The following TBC1D10A variants were observed in gnomAD, a reference collection of about 807,000 sequenced individuals.
TBC1D10A encodes EBP50-PDX interactor of 64 kDa.
A neutral mutation model predicts 52.9 loss-of-function variants in TBC1D10A; 24 were observed. That is an observed-to-expected ratio of 0.45 (90% CI 0.33 to 0.64). The LOEUF is 0.64. Among genes scored for constraint, TBC1D10A ranks in the 30% least tolerant of loss-of-function variants. TBC1D10A has a pLI of 0.02. For synonymous variants in TBC1D10A, 278 were observed against 282.9 expected (o/e 0.98, Z 0.17); for missense variants, 602 against 687.9 (o/e 0.88, Z 1.40).
rs1930001793 is a variant in TBC1D10A at position 30,293,645 on chromosome 22, C to A, written c.1050+6G>T. The A allele has an allele frequency of 1.2e-6, 2 of 1,603,648 alleles. No individual in the cohort carries two copies. The highest frequency in any genetic ancestry group is 1.3e-5 in the African/African-American group (1 of 74,864). On this transcript the variant is annotated splice_donor_region_variant and intron_variant, in intron 8 of 8. Coordinates refer to ENST00000215790, the MANE Select transcript of TBC1D10A (RefSeq NM_031937.3). Reference sequence around the variant, plus strand: ...CCCCATGATAAGGGGCAGGCATGGGCTGTACCTCCTGGACCAGAAAGGCCT... The same window carrying A: ...CCCCATGATAAGGGGCAGGCATGGGATGTACCTCCTGGACCAGAAAGGCCT...
rs535238976 is a variant in TBC1D10A, at chr22:30,313,300, G to A, written c.210-8670C>T. On this transcript the variant is annotated intron_variant, in intron 1 of 8. Coordinates refer to ENST00000215790, the MANE Select transcript of TBC1D10A (RefSeq NM_031937.3). ...AGGGGCTCTCTTGGCCTCATTCTCT[G>A]CAGTGTGTCCCAAGCCTGATACCTA... Among the ~76,000 whole-genome samples the A allele has an allele frequency of 7.3e-5, 11 of 151,378 alleles. No individual in the cohort carries two copies. The South Asian group carries it at 1.5e-3, about 20-fold the overall frequency.
chr22:30,308,292 A>ATGCATGCCTGCCTGCCTGCC (rs771516365), intron 1 of TBC1D10A, among the ~76,000 whole-genome samples: 7 of 78,718 alleles, frequency 8.9e-5, no homozygotes, highest in African/African-American at 3.5e-4. Flanking sequence ...GCATGCCTGC[A>ATGCATGCCTGCCTGCCTGCC]TGCCTGCATG....
chr22:30,305,079 T>C (rs1027817539), intron 1 of TBC1D10A, among the ~76,000 whole-genome samples: 11 of 152,232 alleles, frequency 7.2e-5, no homozygotes, highest in African/African-American at 2.7e-4. Flanking sequence ...GCCAAACTCA[T>C]TACTCAGAGT....
intron 1 of TBC1D10A, among the ~76,000 whole-genome samples, chr22:30,318,019 G>C (rs563868670): frequency 2.0e-5 from 3 of 152,300 alleles, no homozygotes; most frequent in African/African-American, 7.2e-5. Flanking sequence ...CCTGTGCCTG[G>C]TTCAGAGCCC....
At chr22:30,299,625 C>G in intron 2 of TBC1D10A, 74 bp from the exon 3 acceptor site, 5 of 1,369,930 alleles carry the variant, frequency 3.6e-6, no homozygotes, top group Non-Finnish European at 5.1e-6. Context: ...TCTGCCAATG[C>G]GTGGTGGGCC....
intron 1 of TBC1D10A, among the ~76,000 whole-genome samples, chr22:30,321,789 G>A (rs1049626585): frequency 2.0e-5 from 3 of 152,064 alleles, no homozygotes; most frequent in African/African-American, 4.8e-5. Flanking sequence ...CCTCTCTCAG[G>A]TCACCTCCCT....
At chr22:30,309,179 A>G (rs1930376617) in intron 1 of TBC1D10A, among the ~76,000 whole-genome samples, 2 of 151,414 alleles carry the variant, frequency 1.3e-5, no homozygotes, top group African/African-American at 4.9e-5. Context: ...ACACCAATAC[A>G]CTGGATGGGA....
chr22:30,302,938 G>A (rs1011754002), intron 2 of TBC1D10A, among the ~76,000 whole-genome samples: 2 of 152,242 alleles, frequency 1.3e-5, no homozygotes, highest in Non-Finnish European at 2.9e-5. Context: ...AACAGAGCCA[G>A]AGTCAGGCAG....
At position 30,292,405 on chromosome 22, in the gene TBC1D10A, C is replaced by T. The variant is rs371916415; in HGVS notation, c.1497G>A (p.Thr499=). 16 of 1,573,324 alleles carry T rather than the reference C, an allele frequency of 1.0e-5. No homozygotes were observed. Among genetic ancestry groups the T allele is most frequent in the African/African-American group, 8.1e-5 (6 of 73,746 alleles). Residue 499 remains threonine, a synonymous_variant, in exon 9 of 9, where the codon ACG becomes ACA. Transcript: ENST00000215790. ...SAHHRSQESL[T]SQESEDTYL ...AGTAGGTGTCCTCACTCTCTTGGGA[C>T]GTCAAGCTCTCCTGGGAGCGGTGGT... is the stretch of plus-strand genomic sequence containing the variant.
intron 1 of TBC1D10A, among the ~76,000 whole-genome samples, chr22:30,307,420 C>A (rs912988972): frequency 6.6e-6 from 1 of 152,200 alleles, no homozygotes; most frequent in Non-Finnish European, 1.5e-5. Context: ...CAGGTGAAGT[C>A]ACTCTATTGT....
chr22:30,313,710 G>A lies in TBC1D10A; in HGVS notation c.210-9080C>T, dbSNP rs1392205649. Among the ~76,000 whole-genome samples the A allele has an allele frequency of 1.3e-5, 2 of 151,680 alleles. 1 individual carries two copies. The highest frequency in any genetic ancestry group is 2.9e-5 in the Non-Finnish European group (2 of 67,954). Reference sequence around the variant, plus strand: ...GCCACCGTGCCTGGCCAACAAATGTGTGTGTTGAGTGATTCATGAGCTTGG... The same window carrying A: ...GCCACCGTGCCTGGCCAACAAATGTATGTGTTGAGTGATTCATGAGCTTGG... On this transcript the variant is annotated intron_variant, in intron 1 of 8. Coordinates refer to ENST00000215790, the MANE Select transcript of TBC1D10A (RefSeq NM_031937.3).
intron 1 of TBC1D10A, among the ~76,000 whole-genome samples, chr22:30,310,427 G>A (rs984134186): frequency 6.6e-6 from 1 of 152,274 alleles, no homozygotes; most frequent in East Asian, 1.9e-4. Context: ...TGAAGCAATT[G>A]AGGCTCTGAG....
At chr22:30,324,011 T>A (rs1014895266) in intron 1 of TBC1D10A, among the ~76,000 whole-genome samples, 1 of 152,180 alleles carries the variant, frequency 6.6e-6, no homozygotes, top group Non-Finnish European at 1.5e-5. Flanking sequence ...ATGGTTTTTT[T>A]AATCTACTCA....
intron 1 of TBC1D10A, among the ~76,000 whole-genome samples, chr22:30,312,492 T>C (rs1324519475): frequency 2.6e-5 from 4 of 152,292 alleles, no homozygotes; most frequent in East Asian, 3.9e-4. Context: ...CACTGCACCC[T>C]AGACTGGGCC....
chr22:30,293,675 CATGATCT>C lies in TBC1D10A; in HGVS notation c.1019_1025del (p.Lys340SerfsTer15). 1 of 1,610,578 alleles carries C rather than the reference CATGATCT, an allele frequency of 6.2e-7. No individual in the cohort carries two copies. The highest frequency in any genetic ancestry group is 8.5e-7 in the Non-Finnish European group (1 of 1,177,364). ...CCTCCTGGACCAGAAAGGCCTCCTGCATGATCTTGGGGCTGAGGCTCCGCAGTCGCTC... is the reference window on the plus strand; with the variant it reads ...CCTCCTGGACCAGAAAGGCCTCCTGCTGGGGCTGAGGCTCCGCAGTCGCTC... On this transcript the variant is annotated frameshift_variant, in exon 8 of 9. Coordinates refer to ENST00000215790, the MANE Select transcript of TBC1D10A (RefSeq NM_031937.3). LOFTEE classifies it high-confidence loss of function.
chr22:30,295,168 G>GGC, intron 4 of TBC1D10A, 113 bp from the exon 5 acceptor site: 1 of 1,015,878 alleles, frequency 9.8e-7, no homozygotes, highest in Non-Finnish European at 1.5e-6. Context: ...CCTTGAGAGG[G>GGC]AAGGTGATCT....
intron 2 of TBC1D10A, among the ~76,000 whole-genome samples, chr22:30,301,355 G>A (rs1930198501): frequency 6.6e-6 from 1 of 152,226 alleles, no homozygotes. Flanking sequence ...TAAAGGGGAT[G>A]GGCGCTCGGG....
At position 30,299,504 on chromosome 22, in the gene TBC1D10A, A is replaced by C; in HGVS notation, c.357T>G (p.Arg119=). The change falls in exon 3 of 9, where the codon CGT becomes CGG. Residue 119 remains arginine, a synonymous_variant. Transcript: ENST00000215790. ...QKGIPPSLRG[R]AWQYLSGGKV... ...TGCCTCCTGACAGGTACTGCCAAGC[A>C]CGGCCCCGCAGAGAAGGCGGGATGC... 6.2e-7 allele frequency: 1 copy of C among 1,614,202 alleles called. No individual in the cohort carries two copies. Among genetic ancestry groups the C allele is most frequent in the Non-Finnish European group, 8.5e-7 (1 of 1,180,018 alleles).
chr22:30,318,584 C>T (rs748642349), intron 1 of TBC1D10A: 2 of 470,536 alleles, frequency 4.3e-6, no homozygotes, highest in Non-Finnish European at 8.8e-6. Flanking sequence ...GGCCTTGCTT[C>T]CCTGTAGCCA....
Sources: gnomAD v4.1 joint callset for allele counts (sites outside exome capture counted in the v4.1 genomes callset) on GRCh38, gnomAD v4.1.1 for gene constraint, MANE v1.5 for transcripts, NCBI Gene and HGNC (gene_info 2026-07-23, HGNC 2026-07-21) for gene names.